The following RLF variants were observed in gnomAD, a reference collection of about 807,000 sequenced individuals.
The protein encoded by RLF is RLF zinc finger.
RLF carries 7 observed loss-of-function variants against 162.9 expected under a neutral mutation model. The ratio of observed to expected loss-of-function variants is 0.04; its 90% CI spans 0.02 to 0.08. The LOEUF is 0.08. RLF is among the 10% of genes least tolerant of loss of function. The pLI is 1.00. For missense variants in RLF, 1,664 were observed against 2,244.7 expected, an observed-to-expected ratio of 0.74 and a Z score of 5.23; for synonymous variants, 782 against 791.5, an observed-to-expected ratio of 0.99 and a Z score of 0.20.
At chr1:40,191,238 A>C (rs1342596897) in intron 3 of RLF, among the ~76,000 whole-genome samples, 1 of 152,086 alleles carries the variant, frequency 6.6e-6, no homozygotes, top group African/African-American at 2.4e-5. Flanking sequence ...TCTTCCTAAC[A>C]CTTTAAGAAT....
At chr1:40,163,236 A>G (rs1642121211) in intron 1 of RLF, among the ~76,000 whole-genome samples, 1 of 152,208 alleles carries the variant, frequency 6.6e-6, no homozygotes, top group African/African-American at 2.4e-5. Context: ...AGTCACGTGA[A>G]GGTCTGGGGT....
At chr1:40,201,257 C>A (rs958593154) in intron 4 of RLF, among the ~76,000 whole-genome samples, 1 of 151,786 alleles carries the variant, frequency 6.6e-6, no homozygotes, top group Non-Finnish European at 1.5e-5. Context: ...GCTTGACATG[C>A]AATATTCTCA....
intron 1 of RLF, among the ~76,000 whole-genome samples, chr1:40,183,909 T>C (rs776958061): frequency 2.8e-4 from 42 of 152,214 alleles, no homozygotes; most frequent in Non-Finnish European, 3.5e-4. Flanking sequence ...AATATAATTA[T>C]TTCATTAGGA....
At chr1:40,169,430 CAG>C (rs1642209090) in intron 1 of RLF, among the ~76,000 whole-genome samples, 1 of 151,640 alleles carries the variant, frequency 6.6e-6, no homozygotes. Context: ...TCCTGGCTAA[CAG>C]GGTGAAACCC....
At chr1:40,163,567 A>G (rs569324433) in intron 1 of RLF, among the ~76,000 whole-genome samples, 1 of 152,338 alleles carries the variant, frequency 6.6e-6, no homozygotes, top group East Asian at 1.9e-4. Context: ...AATTTTTAAA[A>G]GAAAGCATGT....
At chr1:40,203,904 A>G (rs987799556) in intron 5 of RLF, among the ~76,000 whole-genome samples, 2 of 152,266 alleles carry the variant, frequency 1.3e-5, no homozygotes, top group Admixed American at 6.5e-5. Context: ...ACCAGGATCA[A>G]TCAAGATCTA....
chr1:40,240,181 A>G lies in RLF; in HGVS notation c.5479A>G (p.Ile1827Val), dbSNP rs377537141. The G allele has an allele frequency of 2.5e-6, 4 of 1,614,106 alleles. No individual in the cohort carries two copies. In the African/African-American group the frequency reaches 5.3e-5, roughly 22 times the overall value. The part of the protein sequence containing the change: ...MVNDSEPEVD[I>V]PHSSSDSTIH... ...GAATGACAGTGAACCTGAAGTTGAC[A>G]TACCTCATTCTTCCAGTGACTCTAC... The change falls in exon 8 of 8, where the codon ATA becomes GTA. Residue 1827 changes from isoleucine to valine, a missense_variant. By Grantham distance (29) the Ile-to-Val change is conservative (BLOSUM62 3). Coordinates refer to ENST00000372771, the MANE Select transcript of RLF (RefSeq NM_012421.4).
At position 40,211,247 on chromosome 1, in the gene RLF, C is replaced by G. The variant is rs369323304; in HGVS notation, c.810+8633C>G. On this transcript the variant is annotated intron_variant, in intron 5 of 7. Transcript: ENST00000372771. Reference sequence around the variant, plus strand: ...TTTAATATCGGTTGGTCTAACCCTCCGTGTTCTACACGTGATGAAACTGAA... The same window carrying G: ...TTTAATATCGGTTGGTCTAACCCTCGGTGTTCTACACGTGATGAAACTGAA... Among the ~76,000 whole-genome samples, 13 of 152,350 alleles carry G rather than the reference C, an allele frequency of 8.5e-5. 1 individual carries two copies. Among genetic ancestry groups the G allele is most frequent in the East Asian group, 3.9e-4 (2 of 5,188 alleles).
chr1:40,163,407 A>G (rs780788520), intron 1 of RLF, among the ~76,000 whole-genome samples: 3 of 152,226 alleles, frequency 2.0e-5, no homozygotes, highest in Admixed American at 1.3e-4. Flanking sequence ...GATGACAAGA[A>G]TGAATGTAAC....
intron 7 of RLF, among the ~76,000 whole-genome samples, chr1:40,232,205 CTT>C (rs200129511): frequency 7.4e-6 from 1 of 135,486 alleles, no homozygotes; most frequent in East Asian, 2.2e-4. Context: ...GAGACTTGGT[CTT>C]TTTTTTTTTA....
Position 40,240,520 on chromosome 1 carries a change from G to A in RLF, c.*73G>A. ...GGGACATTTGCCAACTCGAACAAAG[G>A]CTGAGAAGCAGCCACACCGTTGTTT... is the stretch of plus-strand genomic sequence containing the variant. On this transcript the variant is annotated 3_prime_UTR_variant, in exon 8 of 8. Coordinates refer to ENST00000372771, the MANE Select transcript of RLF (RefSeq NM_012421.4). 1 of 1,084,292 alleles carries A rather than the reference G, an allele frequency of 9.2e-7. No individual in the cohort carries two copies. Among genetic ancestry groups the A allele is most frequent in the Non-Finnish European group, 1.4e-6 (1 of 729,890 alleles). The allele number at this position is 1,084,292 out of a possible 1,614,324, so 67.2% of individuals were successfully genotyped here.
At chr1:40,170,470 A>G (rs910148638) in intron 1 of RLF, among the ~76,000 whole-genome samples, 7 of 152,090 alleles carry the variant, frequency 4.6e-5, no homozygotes, top group Non-Finnish European at 7.4e-5. Flanking sequence ...CACGTTGTCC[A>G]AGCTGGTTTC....
intron 5 of RLF, among the ~76,000 whole-genome samples, chr1:40,214,898 GGACAA>G (rs1642904123): frequency 8.6e-6 from 1 of 115,986 alleles, no homozygotes; most frequent in Admixed American, 1.1e-4. Context: ...ACTCCCACCT[GGACAA>G]GAGTGAGCCT....
rs1643233621 is a variant in RLF at position 40,237,619 on chromosome 1, A to C, written c.2917A>C (p.Lys973Gln). 6.2e-7 allele frequency: 1 copy of C among 1,614,042 alleles called. No homozygotes were observed. Among genetic ancestry groups the C allele is most frequent in the South Asian group, 1.1e-5 (1 of 91,080 alleles). ...STYKNARGMQ[K>Q]HLRKVHPYHF... ...ATACAAAAATGCAAGAGGAATGCAG[A>C]AACATTTACGGAAGGTTCATCCATA... The change falls in exon 8 of 8, where the codon AAA becomes CAA. Residue 973 changes from lysine (K) to glutamine (Q), a missense_variant. Physicochemically the swap from Lys to Gln is moderately conservative, Grantham distance 53. Coordinates refer to ENST00000372771, the MANE Select transcript of RLF (RefSeq NM_012421.4). This position sits in a 1 kb window ranked among gnomAD's most constrained non-coding sequence, Gnocchi z 4.4.
At chr1:40,163,782 A>G (rs991815749) in intron 1 of RLF, among the ~76,000 whole-genome samples, 2 of 152,206 alleles carry the variant, frequency 1.3e-5, no homozygotes, top group African/African-American at 2.4e-5. Flanking sequence ...CTGCAAAACT[A>G]TCTTATTTTC....
chr1:40,231,711 G>A, intron 7 of RLF, 53 bp downstream of exon 7: 3 of 1,497,588 alleles, frequency 2.0e-6, no homozygotes, highest in Non-Finnish European at 2.7e-6. Flanking sequence ...AGAAATGAGT[G>A]GGAAGATAAC....
At chr1:40,191,368 T>C (rs1437533421) in intron 3 of RLF, among the ~76,000 whole-genome samples, 1 of 151,990 alleles carries the variant, frequency 6.6e-6, no homozygotes, top group Non-Finnish European at 1.5e-5. Context: ...CGAAACCCTG[T>C]CTCTACTAAA....
chr1:40,203,994 G>T (rs1642754791), intron 5 of RLF, among the ~76,000 whole-genome samples: 1 of 149,846 alleles, frequency 6.7e-6, no homozygotes, highest in Admixed American at 6.6e-5. Context: ...GTCATTGTCA[G>T]ATCATCATTA....
rs182418550 is a variant in RLF at position 40,183,573 on chromosome 1, G to A, written c.238-5482G>A. Among the ~76,000 whole-genome samples the A allele has an allele frequency of 2.6e-5, 4 of 152,228 alleles. No homozygotes were observed. The East Asian group carries it at 7.7e-4, about 29-fold the overall frequency. On this transcript the variant is annotated intron_variant, in intron 1 of 7. Transcript: ENST00000372771. Reference sequence around the variant, plus strand: ...ATTAAAGCTGATGCTGGGGGTGAGGGGGCAGAATTTAAAAGCACACTTAAA... The same window carrying A: ...ATTAAAGCTGATGCTGGGGGTGAGGAGGCAGAATTTAAAAGCACACTTAAA...
Sources: allele counts gnomAD v4.1 joint callset (sites outside exome capture counted in the v4.1 genomes callset), GRCh38; gene constraint gnomAD v4.1.1; non-coding constraint Gnocchi (gnomAD v3.1); transcripts MANE v1.5; gene names NCBI Gene and HGNC (gene_info 2026-07-23, HGNC 2026-07-21).